ACTR3C: variants seen among roughly 807,000 people sequenced by gnomAD.
The protein encoded by ACTR3C is actin-related protein 3C.
Under a neutral mutation model 26.3 loss-of-function variants are expected in ACTR3C, and 18 were observed. That is an observed-to-expected ratio of 0.68 (90% CI 0.47 to 1.01). The LOEUF is 1.01. Among genes scored for constraint, ACTR3C ranks in the 50% least tolerant of loss-of-function variants. The probability of loss-of-function intolerance (pLI) is 0.00; values close to 1 mark genes in which losing one functional copy is unlikely to be tolerated. For missense variants in ACTR3C, 184 were observed against 250.7 expected (o/e 0.73, Z 1.80); for synonymous variants, 55 against 94.5 (o/e 0.58, Z 2.42).
At chr7:150,221,055 A>G in the ACTR3C span, among the ~76,000 whole-genome samples, 1 of 152,238 alleles carries the variant, frequency 6.6e-6, no homozygotes, top group African/African-American at 2.4e-5. Context: ...GCGGAGGAGG[A>G]GCTGGGACGG....
At chr7:150,117,170 C>T in the ACTR3C span, among the ~76,000 whole-genome samples, 4 of 152,154 alleles carry the variant, frequency 2.6e-5, no homozygotes, top group African/African-American at 7.2e-5. Flanking sequence ...TGGGCAGACA[C>T]CAAGCTAGCT....
chr7:150,023,999 A>G, the ACTR3C span, among the ~76,000 whole-genome samples: 1 of 149,456 alleles, frequency 6.7e-6, no homozygotes, highest in Non-Finnish European at 1.5e-5. Context: ...AGGAGAAGGC[A>G]GACCAGGAGT....
At chr7:149,883,605 G>A in the ACTR3C span, among the ~76,000 whole-genome samples, 1 of 152,232 alleles carries the variant, frequency 6.6e-6, no homozygotes, top group Non-Finnish European at 1.5e-5. Context: ...CAGCGCCTGC[G>A]TGCAGGATGA....
chr7:150,120,680 C>T, the ACTR3C span, among the ~76,000 whole-genome samples: 1 of 152,116 alleles, frequency 6.6e-6, no homozygotes, highest in Non-Finnish European at 1.5e-5. Context: ...TGGTACCATT[C>T]CTTCTAAAAC....
chr7:149,952,164 G>A, the ACTR3C span, among the ~76,000 whole-genome samples: 11,023 of 150,742 alleles, frequency 0.073, 1,206 homozygotes, highest in African/African-American at 0.24. Flanking sequence ...TAAAAAAAAC[G>A]CCTTATCTTC....
the ACTR3C span, among the ~76,000 whole-genome samples, chr7:150,003,959 A>G: frequency 2.1e-4 from 30 of 144,256 alleles, no homozygotes; most frequent in South Asian, 6.6e-3. Flanking sequence ...GTTATGTGCT[A>G]TGTGTCATGC....
the ACTR3C span, among the ~76,000 whole-genome samples, chr7:150,037,879 C>G: frequency 8.4e-6 from 1 of 118,612 alleles, no homozygotes; most frequent in Non-Finnish European, 1.9e-5. Flanking sequence ...GTCCTAAGAG[C>G]AAAGGGGGGA....
the ACTR3C span, among the ~76,000 whole-genome samples, chr7:150,049,396 A>T: frequency 3.9e-5 from 6 of 152,274 alleles, no homozygotes; most frequent in Non-Finnish European, 7.4e-5. Context: ...CCCCAACTCC[A>T]GAGGGGGGAA....
chr7:150,281,825 C>T (rs1367596587), intron 6 of ACTR3C, among the ~76,000 whole-genome samples: 5 of 150,196 alleles, frequency 3.3e-5, no homozygotes, highest in Non-Finnish European at 7.4e-5. Context: ...CCCAGCCACT[C>T]CTAGTCGTTC....
chr7:150,117,919 C>T, the ACTR3C span, among the ~76,000 whole-genome samples: 1 of 152,208 alleles, frequency 6.6e-6, no homozygotes, highest in Non-Finnish European at 1.5e-5. Context: ...TCTGCAGCCT[C>T]CACTGGTGAT....
the ACTR3C span, among the ~76,000 whole-genome samples, chr7:150,135,323 G>T: frequency 6.6e-6 from 1 of 152,156 alleles, no homozygotes; most frequent in African/African-American, 2.4e-5. Flanking sequence ...ATGGAGAATG[G>T]TGTCATTTTC....
chr7:150,055,361 G>A, the ACTR3C span, among the ~76,000 whole-genome samples: 2 of 152,178 alleles, frequency 1.3e-5, no homozygotes, highest in Non-Finnish European at 2.9e-5. Flanking sequence ...AAGGTGACCT[G>A]GAAGATTTCT....
At chr7:150,259,280 A>G (rs1833468624) in intron 6 of ACTR3C, among the ~76,000 whole-genome samples, 1 of 149,864 alleles carries the variant, frequency 6.7e-6, no homozygotes, top group South Asian at 2.1e-4. Context: ...AGAAAAAGAA[A>G]GAAAGAAAGA....
At chr7:150,041,815 G>A in the ACTR3C span, among the ~76,000 whole-genome samples, 9 of 136,312 alleles carry the variant, frequency 6.6e-5, no homozygotes, top group African/African-American at 2.6e-4. Context: ...CCCTGCGATG[G>A]GGGTACTAAG....
chr7:150,234,017 G>A, the ACTR3C span, among the ~76,000 whole-genome samples: 1 of 152,254 alleles, frequency 6.6e-6, no homozygotes, highest in South Asian at 2.1e-4. Context: ...TGCTGTAGAT[G>A]TAGGTAGCGG....
chr7:150,055,491 G>GTGT, the ACTR3C span, among the ~76,000 whole-genome samples: 2 of 141,860 alleles, frequency 1.4e-5, no homozygotes, highest in Non-Finnish European at 3.1e-5. Context: ...GAGGGAGGGA[G>GTGT]TTTTTTTTTT....
the ACTR3C span, among the ~76,000 whole-genome samples, chr7:150,197,295 T>C: frequency 1.3e-5 from 2 of 152,318 alleles, no homozygotes; most frequent in South Asian, 4.1e-4. Context: ...GGGACTCCAT[T>C]GTCCCTCACC....
the ACTR3C span, among the ~76,000 whole-genome samples, chr7:150,031,246 G>A: frequency 1.5e-3 from 214 of 145,876 alleles, no homozygotes; most frequent in African/African-American, 5.1e-3. Flanking sequence ...AACAGAGAGA[G>A]ACTCTGTCCC....
At chr7:150,184,332 T>C in the ACTR3C span, among the ~76,000 whole-genome samples, 1 of 150,580 alleles carries the variant, frequency 6.6e-6, no homozygotes, top group Non-Finnish European at 1.5e-5. Flanking sequence ...GGCAGCAGAG[T>C]GGTGGTCTAT....
Sources: allele counts gnomAD v4.1 joint callset (sites outside exome capture counted in the v4.1 genomes callset), GRCh38; gene constraint gnomAD v4.1.1; transcripts MANE v1.5; gene names NCBI Gene and HGNC (gene_info 2026-07-23, HGNC 2026-07-21).